Variants in BDKRB1 observed in about 807,000 individuals in gnomAD.
BDKRB1 encodes the protein B1 bradykinin receptor.
For missense variants in BDKRB1, 414 were observed against 441.4 expected, an observed-to-expected ratio of 0.94 and a Z score of 0.56; for synonymous variants, 192 against 189.1, an observed-to-expected ratio of 1.02 and a Z score of -0.13.
intron 1 of BDKRB1, among the ~76,000 whole-genome samples, chr14:96,261,054 C>T (rs1366263253): frequency 3.9e-5 from 6 of 152,138 alleles, no homozygotes; most frequent in East Asian, 1.9e-4. Context: ...CTTCATACTT[C>T]CCAGTGTTCA....
intron 1 of BDKRB1, 127 bp downstream of exon 1, chr14:96,256,427 A>G (rs1441254323): frequency 6.6e-6 from 1 of 152,154 alleles, no homozygotes. Flanking sequence ...CACTTCTGTG[A>G]GGGTACTTTT....
Position 96,264,078 on chromosome 14 carries a change from C to T in BDKRB1, c.396C>T (p.Ser132=). ...GCATCTTCCTGGTGGTGGCCATCAG[C>T]CAGGACCGCTACCGCGTGCTGGTGC... ...FISIFLVVAI[S]QDRYRVLVHP... The change falls in exon 3 of 3, where the codon AGC becomes AGT. Residue 132 remains serine (S), a synonymous_variant. Transcript: ENST00000216629. The T allele has an allele frequency of 6.2e-7, 1 of 1,609,504 alleles. No homozygotes were observed. The highest frequency in any genetic ancestry group is 8.5e-7 in the Non-Finnish European group (1 of 1,177,820).
chr14:96,262,255 C>T (rs1378136813), intron 1 of BDKRB1, among the ~76,000 whole-genome samples: 1 of 152,206 alleles, frequency 6.6e-6, no homozygotes, highest in Non-Finnish European at 1.5e-5. Context: ...TGTCATTCAT[C>T]GCGTGGGGAC....
chr14:96,260,839 C>G lies in BDKRB1; in HGVS notation c.-129-1813C>G, dbSNP rs550067361. On this transcript the variant is annotated intron_variant, in intron 1 of 2. Coordinates refer to ENST00000216629, the MANE Select transcript of BDKRB1 (RefSeq NM_000710.4). Reference sequence around the variant, plus strand: ...GCTTTAAATGCCATTCCTATAGTTACAACTCCCAGTTAGGTCTCATCATCC... The same window carrying G: ...GCTTTAAATGCCATTCCTATAGTTAGAACTCCCAGTTAGGTCTCATCATCC... Among the ~76,000 whole-genome samples, 59 of 152,308 alleles carry G rather than the reference C, an allele frequency of 3.9e-4. 1 individual carries two copies. The South Asian group carries it at 6.2e-3, about 16-fold the overall frequency.
chr14:96,263,875 C>T lies in BDKRB1; in HGVS notation c.193C>T (p.Pro65Ser), dbSNP rs1168938981. 1.9e-6 allele frequency: 3 copies of T among 1,614,124 alleles called. No individual in the cohort carries two copies. Among genetic ancestry groups the T allele is most frequent in the East Asian group, 2.2e-5 (1 of 44,892 alleles). ...TTTTGTCCTGTTGGTCTTCCTCCTG[C>T]CCCGGCGGCAACTGAACGTGGCAGA... ...NLFVLLVFLL[P>S]RRQLNVAEIY... The change falls in exon 3 of 3, where the codon CCC (proline) becomes TCC (serine). Residue 65 changes from proline (P) to serine (S), a missense_variant. Pro to Ser is a moderately conservative substitution (Grantham distance 74, BLOSUM62 -1). Coordinates refer to ENST00000216629, the MANE Select transcript of BDKRB1 (RefSeq NM_000710.4).
chr14:96,263,514 C>T (rs555718472), intron 2 of BDKRB1, among the ~76,000 whole-genome samples, 159 bp from the exon 3 acceptor site: 1 of 152,170 alleles, frequency 6.6e-6, no homozygotes, highest in Admixed American at 6.5e-5. Flanking sequence ...CGCTCGACTC[C>T]CCCTTGTAGC....
In BDKRB1 at chr14:96,264,684, T is replaced by C; in HGVS notation, c.1002T>C (p.Ser334=). The C allele has an allele frequency of 6.2e-7, 1 of 1,614,114 alleles. No individual in the cohort carries two copies. Among genetic ancestry groups the C allele is most frequent in the Non-Finnish European group, 8.5e-7 (1 of 1,180,012 alleles). The part of the protein sequence containing the change: ...WELYKQCTPK[S]LAPISSSHRK... ...TTTATAAACAATGCACCCCTAAAAG[T>C]CTTGCTCCAATATCTTCATCCCATA... The change falls in exon 3 of 3, where the codon AGT becomes AGC. Residue 334 remains serine (S), a synonymous_variant. Transcript: ENST00000216629.
chr14:96,261,567 A>G (rs1003134841), intron 1 of BDKRB1, among the ~76,000 whole-genome samples: 11 of 152,212 alleles, frequency 7.2e-5, no homozygotes, highest in African/African-American at 2.7e-4. Flanking sequence ...TGCTCTTCCA[A>G]GGTTAATTCT....
intron 1 of BDKRB1, 47 bp from the exon 2 acceptor site, chr14:96,262,605 C>CTT: frequency 5.6e-6 from 2 of 357,394 alleles, no homozygotes; most frequent in Admixed American, 4.0e-5. Flanking sequence ...CTCTCTCTCT[C>CTT]CTTTTTTTTT....
At position 96,262,616 on chromosome 14, in the gene BDKRB1, TTTTTTTTTTTG is replaced by T. The variant is rs1410425137; in HGVS notation, c.-129-33_-129-23del. The T allele has an allele frequency of 2.5e-5, 8 of 324,076 alleles. No individual in the cohort carries two copies. The African/African-American group carries it at 4.4e-4, about 18-fold the overall frequency. The allele number at this position is 324,076 out of a possible 1,614,324, so 20.1% of individuals were successfully genotyped here. A position where few individuals can be genotyped will look rare whatever the true frequency, so the allele number is the denominator to read the frequency against. On this transcript the variant is annotated intron_variant, in intron 1 of 2. Coordinates refer to ENST00000216629, the MANE Select transcript of BDKRB1 (RefSeq NM_000710.4). ...CTCTCTCTCTCTCTCCTTTTTTTTTTTTTTTTTTTTGTTGTTGTTGTTGTTGTTGAGACAGG... is the reference window on the plus strand; with the variant it reads ...CTCTCTCTCTCTCTCCTTTTTTTTTTTTGTTGTTGTTGTTGTTGAGACAGG...
At chr14:96,261,217 C>T (rs11622768) in intron 1 of BDKRB1, among the ~76,000 whole-genome samples, 14,894 of 152,242 alleles carry the variant, frequency 0.098, 804 homozygotes, top group African/African-American at 0.13. Flanking sequence ...TGTCACCCGC[C>T]AGCATGTTTA....
Position 96,264,727 on chromosome 14 carries a change from C to A in BDKRB1, c.1045C>A (p.Leu349Ile). The A allele has an allele frequency of 6.2e-7, 1 of 1,607,370 alleles. No individual in the cohort carries two copies. The part of the protein sequence containing the change: ...SSSHRKEIFQ[L>I]FWRN ...ATCCCATAGGAAAGAAATCTTCCAA[C>A]TTTTCTGGCGGAATTAAAACAGCAT... Residue 349 changes from leucine to isoleucine, a missense_variant, in exon 3 of 3, where the codon CTT (leucine) becomes ATT (isoleucine). Transcript: ENST00000216629.
At chr14:96,261,767 T>C (rs1465460453) in intron 1 of BDKRB1, among the ~76,000 whole-genome samples, 1 of 152,228 alleles carries the variant, frequency 6.6e-6, no homozygotes, top group Non-Finnish European at 1.5e-5. Flanking sequence ...GTTTAGGCTC[T>C]GAAGATTGTC....
intron 1 of BDKRB1, among the ~76,000 whole-genome samples, chr14:96,261,604 T>C (rs1405473639): frequency 6.6e-6 from 1 of 152,236 alleles, no homozygotes; most frequent in Non-Finnish European, 1.5e-5. Context: ...TTTGTTGGTA[T>C]CTGTGAGGCT....
chr14:96,259,278 A>AT (rs200249437), intron 1 of BDKRB1: 1 of 152,114 alleles, frequency 6.6e-6, no homozygotes, highest in Admixed American at 6.5e-5. Flanking sequence ...CTGAGACTCA[A>AT]TGTCCACTAA....
chr14:96,258,391 A>T (rs1041052516), intron 1 of BDKRB1, among the ~76,000 whole-genome samples: 2 of 151,986 alleles, frequency 1.3e-5, no homozygotes, highest in Admixed American at 6.5e-5. Context: ...CCTTCAATTG[A>T]CTCTTCTCTT....
Position 96,263,666 on chromosome 14 carries a change from AT to A in BDKRB1, c.-10-4del, listed in dbSNP as rs761940339. The A allele has an allele frequency of 2.5e-6, 4 of 1,598,698 alleles. No homozygotes were observed. The South Asian group carries it at 3.4e-5, about 14-fold the overall frequency. On this transcript the variant is annotated splice_region_variant and splice_polypyrimidine_tract_variant and intron_variant, in intron 2 of 2. Transcript: ENST00000216629. Reference sequence around the variant, plus strand: ...TCCTGTTTTATTCTACCTTCTGTTCATTTCAGGTCACTGTGCATGGCATCAT... The same window carrying A: ...TCCTGTTTTATTCTACCTTCTGTTCATTCAGGTCACTGTGCATGGCATCAT...
rs962587653 is a variant in BDKRB1, at chr14:96,263,164, A to T, written c.-11+394A>T. ...GCTGGCAAGAGGTAGAGGCTCATTA[A>T]ATGCCTGTTAAAACCCTAATAGTAA... On this transcript the variant is annotated intron_variant, in intron 2 of 2. Transcript: ENST00000216629. 9.9e-5 allele frequency among the ~76,000 whole-genome samples: 15 copies of T among 152,188 alleles called. No homozygotes were observed. In the East Asian group the frequency reaches 2.9e-3, roughly 29 times the overall value.
Sources: gnomAD v4.1 joint callset for allele counts (sites outside exome capture counted in the v4.1 genomes callset) on GRCh38, gnomAD v4.1.1 for gene constraint, MANE v1.5 for transcripts, NCBI Gene and HGNC (gene_info 2026-07-23, HGNC 2026-07-21) for gene names.